The following AIG1 variants were observed in gnomAD, a reference collection of about 807,000 sequenced individuals.
AIG1 encodes androgen induced 1, also known as androgen-induced gene 1 protein.
AIG1 carries 23 observed loss-of-function variants against 31.4 expected under a neutral mutation model. That is an observed-to-expected ratio of 0.73 (90% CI 0.53 to 1.04). The LOEUF (loss-of-function observed/expected upper bound fraction) is 1.04, where lower values mean the gene tolerates loss of function less well. Ranked by LOEUF, AIG1 falls within the 50% of genes least tolerant of loss-of-function variation. The probability of loss-of-function intolerance (pLI) is 0.00; values close to 1 mark genes in which losing one functional copy is unlikely to be tolerated. For missense variants in AIG1, 274 were observed against 295.0 expected, an observed-to-expected ratio of 0.93 and a Z score of 0.52; for synonymous variants, 100 against 110.5, an observed-to-expected ratio of 0.90 and a Z score of 0.60.
intron 1 of AIG1, among the ~76,000 whole-genome samples, chr6:143,081,127 G>A (rs901434280): frequency 8.5e-5 from 13 of 152,216 alleles, no homozygotes; most frequent in African/African-American, 1.4e-4. Flanking sequence ...GGACAGTTTC[G>A]GATTCTTAGT....
At chr6:143,152,974 G>A (rs1315868901) in intron 2 of AIG1, among the ~76,000 whole-genome samples, 1 of 152,180 alleles carries the variant, frequency 6.6e-6, no homozygotes, top group Non-Finnish European at 1.5e-5. Context: ...TGTGAGAAGA[G>A]ACAGAACTGC....
At chr6:143,262,188 C>T (rs1052316529) in intron 3 of AIG1, among the ~76,000 whole-genome samples, 1 of 152,144 alleles carries the variant, frequency 6.6e-6, no homozygotes, top group Non-Finnish European at 1.5e-5. Context: ...ATATTAAAAC[C>T]ACTTGTAAAT....
At chr6:143,199,955 A>G (rs1161595506) in intron 3 of AIG1, among the ~76,000 whole-genome samples, 1 of 152,340 alleles carries the variant, frequency 6.6e-6, no homozygotes, top group South Asian at 2.1e-4. Flanking sequence ...TGGGGAGAGT[A>G]GGACCACCAG....
chr6:143,208,625 GCAT>G (rs1278305800), intron 3 of AIG1, among the ~76,000 whole-genome samples: 1 of 152,072 alleles, frequency 6.6e-6, no homozygotes, highest in African/African-American at 2.4e-5. Context: ...CAAAATAGTG[GCAT>G]CATAAAATCA....
chr6:143,122,725 C>A (rs1343267373), intron 1 of AIG1, among the ~76,000 whole-genome samples: 1 of 152,104 alleles, frequency 6.6e-6, no homozygotes, highest in Non-Finnish European at 1.5e-5. Context: ...TTTATCTCAT[C>A]CACCTGGGAG....
chr6:143,139,560 C>T (rs1321900829), intron 2 of AIG1, among the ~76,000 whole-genome samples: 1 of 151,948 alleles, frequency 6.6e-6, no homozygotes, highest in Non-Finnish European at 1.5e-5. Flanking sequence ...TCACTATTTC[C>T]ATCTTTCATA....
At chr6:143,150,843 G>A (rs1051883149) in intron 2 of AIG1, among the ~76,000 whole-genome samples, 1 of 152,146 alleles carries the variant, frequency 6.6e-6, no homozygotes, top group Non-Finnish European at 1.5e-5. Context: ...TTCCTCAACT[G>A]CTGATACTCA....
chr6:143,266,562 A>G (rs953560940), intron 3 of AIG1, among the ~76,000 whole-genome samples: 10 of 152,162 alleles, frequency 6.6e-5, no homozygotes, highest in Non-Finnish European at 1.2e-4. Flanking sequence ...TCATTTAACA[A>G]TGTATCCATA....
At chr6:143,276,883 A>T (rs770146754) in intron 3 of AIG1, among the ~76,000 whole-genome samples, 8 of 152,142 alleles carry the variant, frequency 5.3e-5, no homozygotes, top group African/African-American at 9.7e-5. Flanking sequence ...TTCGGATGTC[A>T]TTTCTATCTC....
At chr6:143,272,380 G>T (rs769181139) in intron 3 of AIG1, among the ~76,000 whole-genome samples, 1 of 152,188 alleles carries the variant, frequency 6.6e-6, no homozygotes, top group Non-Finnish European at 1.5e-5. Flanking sequence ...TTTCTTCCAG[G>T]TGGTAATGCA....
intron 4 of AIG1, among the ~76,000 whole-genome samples, chr6:143,287,333 A>G (rs1346070277): frequency 1.3e-5 from 2 of 152,048 alleles, no homozygotes; most frequent in Non-Finnish European, 2.9e-5. Context: ...TAGTTCCCCA[A>G]ACAGTCCTTA....
At chr6:143,217,477 A>G (rs1299335690) in intron 3 of AIG1, among the ~76,000 whole-genome samples, 9 of 152,190 alleles carry the variant, frequency 5.9e-5, no homozygotes, top group African/African-American at 2.2e-4. Context: ...ATTCTTTTAA[A>G]CATTATTTAA....
At chr6:143,308,337 T>C (rs1774963972) in intron 4 of AIG1, among the ~76,000 whole-genome samples, 1 of 152,252 alleles carries the variant, frequency 6.6e-6, no homozygotes, top group Admixed American at 6.5e-5. Context: ...CTGTTCCTGT[T>C]CGGCCATCTT....
At chr6:143,248,915 C>G (rs1477308433) in intron 3 of AIG1, among the ~76,000 whole-genome samples, 1 of 152,088 alleles carries the variant, frequency 6.6e-6, no homozygotes, top group African/African-American at 2.4e-5. Flanking sequence ...ACAAAACAAC[C>G]CTGTCACCTA....
At position 143,258,294 on chromosome 6, in the gene AIG1, C is replaced by A. The variant is rs550997095; in HGVS notation, c.400-25816C>A. On this transcript the variant is annotated intron_variant, in intron 3 of 5. Coordinates refer to ENST00000357847, the MANE Select transcript of AIG1 (RefSeq NM_016108.4). The surrounding 1 kb of genome is among the most constrained non-coding windows in gnomAD (Gnocchi z 4.7). ...TTGTGGCTGAACAAATTCAAATGAGCTCATGTTCATTCAGCCTCTTCATGA... is the reference window on the plus strand; with the variant it reads ...TTGTGGCTGAACAAATTCAAATGAGATCATGTTCATTCAGCCTCTTCATGA... Among the ~76,000 whole-genome samples the A allele has an allele frequency of 1.3e-5, 2 of 152,192 alleles. No homozygotes were observed. Among genetic ancestry groups the A allele is most frequent in the Non-Finnish European group, 2.9e-5 (2 of 68,044 alleles).
intron 1 of AIG1, among the ~76,000 whole-genome samples, chr6:143,097,759 G>T (rs1006672261): frequency 1.3e-5 from 2 of 152,184 alleles, no homozygotes; most frequent in Non-Finnish European, 2.9e-5. Flanking sequence ...TGACCTTGCT[G>T]CTTGTTTCAG....
At chr6:143,094,228 T>C (rs900311111) in intron 1 of AIG1, 5 of 152,190 alleles carry the variant, frequency 3.3e-5, no homozygotes, top group Non-Finnish European at 7.4e-5. Context: ...TTCTTTTCCG[T>C]TTGACTCAGA....
At chr6:143,145,213 T>C (rs1345048740) in intron 2 of AIG1, among the ~76,000 whole-genome samples, 3 of 152,028 alleles carry the variant, frequency 2.0e-5, no homozygotes, top group Non-Finnish European at 4.4e-5. Context: ...TTTGTAGACA[T>C]GGGGTTTCAC....
At chr6:143,306,272 T>C (rs534078684) in intron 4 of AIG1, among the ~76,000 whole-genome samples, 1 of 152,224 alleles carries the variant, frequency 6.6e-6, no homozygotes, top group Non-Finnish European at 1.5e-5. Context: ...GTCATTTTGA[T>C]GTTAGCTGGT....
Sources: allele counts gnomAD v4.1 joint callset (sites outside exome capture counted in the v4.1 genomes callset), GRCh38; gene constraint gnomAD v4.1.1; non-coding constraint Gnocchi (gnomAD v3.1); transcripts MANE v1.5; gene names NCBI Gene and HGNC (gene_info 2026-07-23, HGNC 2026-07-21).